LARP4: variants seen among roughly 807,000 people sequenced by gnomAD.
LARP4 encodes La ribonucleoprotein 4, also known as la-related protein 4.
In LARP4, 29 loss-of-function variants were observed where a neutral mutation model predicts 92.9. The ratio of observed to expected loss-of-function variants is 0.31; its 90% CI spans 0.23 to 0.43. LARP4 has a LOEUF of 0.43. LARP4 is among the 20% of genes least tolerant of loss of function. LARP4 has a pLI of 1.00. For synonymous variants in LARP4, 279 were observed against 284.1 expected, an observed-to-expected ratio of 0.98 and a Z score of 0.18; for missense variants, 732 against 860.0, an observed-to-expected ratio of 0.85 and a Z score of 1.86.
At chr12:50,453,968 C>T (rs964240302) in intron 9 of LARP4, among the ~76,000 whole-genome samples, 1 of 152,110 alleles carries the variant, frequency 6.6e-6, no homozygotes, top group Non-Finnish European at 1.5e-5. Context: ...TCTAATTCTC[C>T]ATACCAAATA....
intron 2 of LARP4, 151 bp from the exon 3 acceptor site, chr12:50,428,784 C>T (rs889663952): frequency 2.8e-5 from 16 of 579,732 alleles, no homozygotes; most frequent in Admixed American, 1.5e-4. Context: ...TTATCTCCCT[C>T]GGAATGATAA....
At chr12:50,418,537 A>G (rs1308304032) in intron 1 of LARP4, among the ~76,000 whole-genome samples, 2 of 152,126 alleles carry the variant, frequency 1.3e-5, no homozygotes, top group Non-Finnish European at 2.9e-5. Context: ...CTCTTGCCTC[A>G]GGCTCTCAAA....
In LARP4 at chr12:50,479,548, G is replaced by A. The variant is rs768624325; in HGVS notation, c.*3684G>A. The A allele has an allele frequency of 1.3e-5, 2 of 152,156 alleles. No homozygotes were observed. Among genetic ancestry groups the A allele is most frequent in the Non-Finnish European group, 2.9e-5 (2 of 68,026 alleles). The allele number at this position is 152,156 out of a possible 1,614,324, so 9.4% of individuals were successfully genotyped here. On this transcript the variant is annotated 3_prime_UTR_variant, in exon 16 of 16. Transcript: ENST00000398473. ...GAAAGAGAATTTATTTTCAAGTTGT[G>A]AGTAAATCCTCCTTTGAAATTCACC... is the stretch of plus-strand genomic sequence containing the variant.
intron 10 of LARP4, among the ~76,000 whole-genome samples, chr12:50,458,273 T>C (rs144291540): frequency 1.4e-4 from 21 of 151,934 alleles, no homozygotes; most frequent in African/African-American, 4.8e-4. Flanking sequence ...TGTTTTTGTT[T>C]GTTTGTTTTT....
At chr12:50,463,827 G>A (rs541955147) in intron 12 of LARP4, among the ~76,000 whole-genome samples, 2 of 152,302 alleles carry the variant, frequency 1.3e-5, no homozygotes, top group East Asian at 3.9e-4. Context: ...GAGGCTTGAT[G>A]TGAGGGCTCC....
At chr12:50,420,936 A>G (rs1362840935) in intron 1 of LARP4, 1 of 140,908 alleles carries the variant, frequency 7.1e-6, no homozygotes, top group Non-Finnish European at 1.5e-5. Flanking sequence ...GAAGGTACAG[A>G]ATAACCTTTG....
chr12:50,467,091 G>T lies in LARP4; in HGVS notation c.1516G>T (p.Asp506Tyr), dbSNP rs1365924799. ...GELVLENRMS[D>Y]VVKGVYKEKD... ...ACTCGTTTTGGAGAATAGGATGTCT[G>T]ATGTTGTTAAAGGTGTCTACAAAGA... The change falls in exon 13 of 16, where the codon GAT becomes TAT. Residue 506 changes from aspartate to tyrosine, a missense_variant. Around this residue, in one of 7 missense-constraint regions of LARP4, gnomAD observed 264 missense variants for 269.5 expected, o/e 0.98. Coordinates refer to ENST00000398473, the MANE Select transcript of LARP4 (RefSeq NM_052879.5). 4 of 1,612,566 alleles carry T rather than the reference G, an allele frequency of 2.5e-6. No homozygotes were observed. The Admixed American group carries it at 6.7e-5, about 27-fold the overall frequency.
At chr12:50,429,726 C>T (rs1026476269) in intron 3 of LARP4, among the ~76,000 whole-genome samples, 7 of 152,252 alleles carry the variant, frequency 4.6e-5, no homozygotes, top group African/African-American at 1.7e-4. Flanking sequence ...GCAATCTCTG[C>T]CTCCTGGGTT....
chr12:50,422,743 A>G (rs1948014138), intron 1 of LARP4, among the ~76,000 whole-genome samples: 1 of 150,090 alleles, frequency 6.7e-6, no homozygotes, highest in African/African-American at 2.4e-5. Flanking sequence ...TAGTCTCCAT[A>G]AAAGGATTTT....
At chr12:50,433,115 C>T (rs1949923825) in intron 4 of LARP4, among the ~76,000 whole-genome samples, 2 of 152,064 alleles carry the variant, frequency 1.3e-5, no homozygotes, top group South Asian at 4.1e-4. Context: ...CATACTTATA[C>T]ACAACTGCCT....
At chr12:50,410,317 C>T (rs888076235) in intron 1 of LARP4, among the ~76,000 whole-genome samples, 2 of 152,006 alleles carry the variant, frequency 1.3e-5, no homozygotes, top group African/African-American at 4.8e-5. Flanking sequence ...AAACGATCCT[C>T]CCATCTTGGC....
intron 1 of LARP4, among the ~76,000 whole-genome samples, chr12:50,405,145 C>G (rs570286810): frequency 3.3e-5 from 5 of 151,936 alleles, no homozygotes; most frequent in Non-Finnish European, 7.4e-5. Flanking sequence ...GTGATCCGCC[C>G]GCCTTGGCCT....
chr12:50,457,363 C>T (rs1029418453), intron 10 of LARP4, among the ~76,000 whole-genome samples: 9 of 151,814 alleles, frequency 5.9e-5, no homozygotes, highest in South Asian at 2.1e-4. Context: ...CATGCCACCA[C>T]GCCCAGCTAA....
At chr12:50,464,370 T>TA (rs1955861856) in intron 12 of LARP4, among the ~76,000 whole-genome samples, 1 of 152,234 alleles carries the variant, frequency 6.6e-6, no homozygotes, top group Non-Finnish European at 1.5e-5. Flanking sequence ...GAAGAAAATA[T>TA]GTTCCATTAT....
intron 10 of LARP4, 66 bp from the exon 11 acceptor site, chr12:50,461,069 C>A: frequency 7.3e-7 from 1 of 1,364,686 alleles, no homozygotes; most frequent in Non-Finnish European, 1.0e-6. Context: ...CAATTTTTTA[C>A]CTAAGGAAAG....
At chr12:50,449,922 AAT>A (rs1491430835) in intron 8 of LARP4, among the ~76,000 whole-genome samples, 2 of 111,598 alleles carry the variant, frequency 1.8e-5, no homozygotes, top group Non-Finnish European at 3.4e-5. Context: ...CAGCCATAGC[AAT>A]TTTTTTTTTT....
At chr12:50,429,285 G>T (rs1949278937) in intron 3 of LARP4, among the ~76,000 whole-genome samples, 195 bp downstream of exon 3, 1 of 152,126 alleles carries the variant, frequency 6.6e-6, no homozygotes, top group African/African-American at 2.4e-5. Context: ...GATTGTTTAT[G>T]AGGGTTCTAT....
At chr12:50,408,036 C>T (rs780789855) in intron 1 of LARP4, among the ~76,000 whole-genome samples, 6 of 151,928 alleles carry the variant, frequency 3.9e-5, no homozygotes, top group Non-Finnish European at 5.9e-5. Flanking sequence ...TTTTAAATGA[C>T]GGGCTCTAAA....
At chr12:50,459,659 A>C (rs1593335343) in intron 10 of LARP4, among the ~76,000 whole-genome samples, 1 of 151,938 alleles carries the variant, frequency 6.6e-6, no homozygotes, top group African/African-American at 2.4e-5. Flanking sequence ...CCCCATCTCT[A>C]CTAAAAATAC....
Sources: allele counts gnomAD v4.1 joint callset (sites outside exome capture counted in the v4.1 genomes callset), GRCh38; gene constraint gnomAD v4.1.1; regional missense constraint gnomAD v4.1.1; transcripts MANE v1.5; gene names NCBI Gene and HGNC (gene_info 2026-07-23, HGNC 2026-07-21).